Variants in PACSIN2 observed in about 807,000 individuals in gnomAD.
PACSIN2 encodes the protein protein kinase C and casein kinase substrate in neurons protein 2.
PACSIN2 carries 25 observed loss-of-function variants against 63.8 expected under a neutral mutation model. That is an observed-to-expected ratio of 0.39 (90% confidence interval 0.29 to 0.55). PACSIN2 has a LOEUF of 0.55. Ranked by LOEUF, PACSIN2 falls within the 20% of genes least tolerant of loss-of-function variation. PACSIN2 has a pLI of 0.62. For missense variants in PACSIN2, 518 were observed against 646.9 expected (o/e 0.80, Z 2.16); for synonymous variants, 255 against 256.2 (o/e 1.00, Z 0.05).
At chr22:42,974,748 C>CAAA (rs763775543) in intron 1 of PACSIN2, among the ~76,000 whole-genome samples, 9 of 58,492 alleles carry the variant, frequency 1.5e-4, no homozygotes, top group African/African-American at 5.1e-4. Context: ...GATCTTGTCT[C>CAAA]AAAAAAAAAA....
chr22:42,885,078 C>T (rs1392614401), intron 5 of PACSIN2, among the ~76,000 whole-genome samples: 1 of 152,202 alleles, frequency 6.6e-6, no homozygotes, highest in Non-Finnish European at 1.5e-5. Context: ...TCTTTCAGCC[C>T]ACTCCATCCC....
chr22:42,961,908 C>G (rs1194694140), intron 1 of PACSIN2, among the ~76,000 whole-genome samples: 2 of 152,242 alleles, frequency 1.3e-5, no homozygotes, highest in Non-Finnish European at 2.9e-5. Context: ...CCTCCCCACA[C>G]AGCCCGTCAC....
chr22:42,879,628 T>G (rs1031512530), intron 7 of PACSIN2, among the ~76,000 whole-genome samples: 23 of 152,210 alleles, frequency 1.5e-4, no homozygotes, highest in African/African-American at 5.3e-4. Context: ...CTGAGGCACC[T>G]GTCCTGAAGT....
chr22:42,996,258 A>G (rs6002997), intron 1 of PACSIN2, among the ~76,000 whole-genome samples: 91,954 of 149,666 alleles, frequency 0.61, 28,576 homozygotes, highest in East Asian at 0.81. Flanking sequence ...ATGACACTGG[A>G]CGCGGTGGCT....
At chr22:42,964,248 T>C (rs1417389010) in intron 1 of PACSIN2, among the ~76,000 whole-genome samples, 1 of 152,072 alleles carries the variant, frequency 6.6e-6, no homozygotes, top group East Asian at 1.9e-4. Context: ...TGAAACCCTG[T>C]CTCCACTAAA....
intron 1 of PACSIN2, among the ~76,000 whole-genome samples, chr22:42,915,115 G>A (rs2146729577): frequency 6.6e-6 from 1 of 152,290 alleles, no homozygotes; most frequent in South Asian, 2.1e-4. Flanking sequence ...CGTTCCTCCT[G>A]CCTTGGCCTC....
intron 1 of PACSIN2, among the ~76,000 whole-genome samples, chr22:42,982,888 A>AAAAAAAAAAAAAAAAAAAAAAAAAAAAAC (rs759532303): frequency 1.9e-5 from 2 of 105,222 alleles, no homozygotes; most frequent in Admixed American, 1.1e-4. Context: ...AAAAAAAAAA[A>AAAAAAAAAAAAAAAAAAAAAAAAAAAAAC]AACAACAACA....
intron 1 of PACSIN2, among the ~76,000 whole-genome samples, chr22:42,937,415 A>G (rs1266897077): frequency 6.6e-6 from 1 of 152,104 alleles, no homozygotes; most frequent in Non-Finnish European, 1.5e-5. Flanking sequence ...GCGGCAGTAG[A>G]AATAACGATG....
intron 1 of PACSIN2, among the ~76,000 whole-genome samples, chr22:43,002,997 G>C (rs918334760): frequency 6.6e-6 from 1 of 152,196 alleles, no homozygotes; most frequent in Middle Eastern, 3.2e-3. Flanking sequence ...TCTACAAACT[G>C]GATGGCCTTG....
chr22:42,887,367 T>C (rs181847586), intron 5 of PACSIN2, among the ~76,000 whole-genome samples: 51 of 152,212 alleles, frequency 3.4e-4, no homozygotes, highest in Non-Finnish European at 1.3e-4. Context: ...ACCTGCTGGA[T>C]GGCACGTGAC....
chr22:42,912,686 A>C (rs1321273395), intron 1 of PACSIN2, among the ~76,000 whole-genome samples: 1 of 152,212 alleles, frequency 6.6e-6, no homozygotes, highest in African/African-American at 2.4e-5. Flanking sequence ...GCAATCTACA[A>C]TCCAGGCAAG....
At chr22:43,006,476 GA>G (rs1228318335) in intron 1 of PACSIN2, among the ~76,000 whole-genome samples, 1 of 152,180 alleles carries the variant, frequency 6.6e-6, no homozygotes, top group Admixed American at 6.5e-5. Context: ...AACTAACAGT[GA>G]AAGTGACATA....
intron 1 of PACSIN2, among the ~76,000 whole-genome samples, chr22:42,971,004 C>G (rs1328838587): frequency 6.6e-6 from 1 of 152,224 alleles, no homozygotes; most frequent in Non-Finnish European, 1.5e-5. Flanking sequence ...CCACCTCTCA[C>G]CACTCAGCAG....
chr22:42,908,302 T>G (rs1306661690), intron 2 of PACSIN2, among the ~76,000 whole-genome samples: 1 of 152,152 alleles, frequency 6.6e-6, no homozygotes, highest in Admixed American at 6.5e-5. Flanking sequence ...CAAGGAGCCT[T>G]CAGAGATGCA....
chr22:43,014,626 C>G (rs1188572348), intron 1 of PACSIN2, among the ~76,000 whole-genome samples: 2 of 152,008 alleles, frequency 1.3e-5, no homozygotes, highest in East Asian at 1.9e-4. Context: ...CCAGCTCCCC[C>G]TTCTGCAGCT....
intron 1 of PACSIN2, among the ~76,000 whole-genome samples, chr22:42,947,867 T>A (rs1933500778): frequency 6.6e-6 from 1 of 152,028 alleles, no homozygotes; most frequent in African/African-American, 2.4e-5. Flanking sequence ...AGGGAGAAGG[T>A]GACTGGGGCC....
chr22:42,972,555 A>G (rs771121426), intron 1 of PACSIN2, among the ~76,000 whole-genome samples: 31 of 152,172 alleles, frequency 2.0e-4, no homozygotes, highest in Non-Finnish European at 4.4e-4. Flanking sequence ...TTAGAAAAAT[A>G]GTTCCTTATA....
chr22:42,954,575 T>C (rs963970503), intron 1 of PACSIN2, among the ~76,000 whole-genome samples: 1 of 152,184 alleles, frequency 6.6e-6, no homozygotes, highest in African/African-American at 2.4e-5. Flanking sequence ...TTATTTTTTA[T>C]AGAGACAGAG....
intron 1 of PACSIN2, among the ~76,000 whole-genome samples, chr22:42,986,973 T>C (rs779243574): frequency 6.6e-6 from 1 of 152,088 alleles, no homozygotes; most frequent in Non-Finnish European, 1.5e-5. Flanking sequence ...AAATCACACA[T>C]ACCTACACGC....
Sources: allele counts gnomAD v4.1 joint callset (sites outside exome capture counted in the v4.1 genomes callset), GRCh38; gene constraint gnomAD v4.1.1; transcripts MANE v1.5; gene names NCBI Gene and HGNC (gene_info 2026-07-23, HGNC 2026-07-21).